The following DNM3 variants were observed in gnomAD, a reference collection of about 807,000 sequenced individuals.
DNM3 encodes dynamin 3.
DNM3 carries 47 observed loss-of-function variants against 101.6 expected under a neutral mutation model. The ratio of observed to expected loss-of-function variants is 0.46; its 90% CI spans 0.37 to 0.59. DNM3 has a LOEUF of 0.59. DNM3 is among the 20% of genes least tolerant of loss of function. DNM3 has a pLI of 0.00. For synonymous variants in DNM3, 385 were observed against 387.9 expected (o/e 0.99, Z 0.09); for missense variants, 849 against 1,085.7 (o/e 0.78, Z 3.06).
intron 15 of DNM3, among the ~76,000 whole-genome samples, chr1:172,307,950 A>G (rs963078168): frequency 3.9e-5 from 6 of 152,110 alleles, no homozygotes; most frequent in African/African-American, 1.4e-4. Flanking sequence ...CAGCAAACCA[A>G]CATGGCATGT....
intron 14 of DNM3, among the ~76,000 whole-genome samples, chr1:172,194,555 GCATATA>G (rs1359506289): frequency 6.6e-6 from 1 of 152,102 alleles, no homozygotes; most frequent in African/African-American, 2.4e-5. Flanking sequence ...TGTATTGGGT[GCATATA>G]TATTTAGGAT....
intron 1 of DNM3, among the ~76,000 whole-genome samples, chr1:171,883,624 A>G (rs1372407799): frequency 6.6e-6 from 1 of 151,782 alleles, no homozygotes; most frequent in African/African-American, 2.4e-5. Flanking sequence ...GGCACACACC[A>G]CCACACCTGG....
chr1:172,276,557 A>ATGTATGTGTGTGTG (rs1553218158), intron 15 of DNM3, among the ~76,000 whole-genome samples: 1 of 144,262 alleles, frequency 6.9e-6, no homozygotes, highest in Non-Finnish European at 1.5e-5. Context: ...AAAAATCTTA[A>ATGTATGTGTGTGTG]TGTGTGTGTG....
At chr1:172,187,871 G>A (rs2148421919) in intron 14 of DNM3, among the ~76,000 whole-genome samples, 1 of 152,088 alleles carries the variant, frequency 6.6e-6, no homozygotes, top group Admixed American at 6.6e-5. Flanking sequence ...CTTATATCAG[G>A]AATGATTCTT....
At chr1:172,212,694 G>T (rs1402445937) in intron 14 of DNM3, among the ~76,000 whole-genome samples, 2 of 152,114 alleles carry the variant, frequency 1.3e-5, no homozygotes, top group Admixed American at 1.3e-4. Context: ...TATGCTCTTA[G>T]AAATTATTTC....
At position 172,247,656 on chromosome 1, in the gene DNM3, C is replaced by CTTACTTACTTAT. The variant is rs142204811; in HGVS notation, c.1660-5914_1660-5913insCTTACTTATTTA. Reference sequence around the variant, plus strand: ...TCTCTTTATTACTCTATTATTATTTCTTATTTATTTATTTATTTATTTATT... The same window carrying CTTACTTACTTAT: ...TCTCTTTATTACTCTATTATTATTTCTTACTTACTTATTTATTTATTTATTTATTTATTTATT... On this transcript the variant is annotated intron_variant, in intron 14 of 20. Transcript: ENST00000627582. 2.4e-4 allele frequency among the ~76,000 whole-genome samples: 33 copies of CTTACTTACTTAT among 135,386 alleles called. 1 individual carries two copies. In the East Asian group the frequency reaches 5.0e-3, roughly 20 times the overall value. The allele number at this position is 135,386 out of a possible 152,430, so 88.8% of individuals were successfully genotyped here.
chr1:172,339,266 T>A (rs1364925187), intron 17 of DNM3, among the ~76,000 whole-genome samples: 1 of 152,230 alleles, frequency 6.6e-6, no homozygotes, highest in East Asian at 1.9e-4. Flanking sequence ...GGAAGCACCA[T>A]GAAAATGCTG....
At chr1:172,254,623 C>A (rs566236482) in intron 15 of DNM3, among the ~76,000 whole-genome samples, 2 of 152,118 alleles carry the variant, frequency 1.3e-5, no homozygotes, top group Non-Finnish European at 2.9e-5. Context: ...AGGACTTCCT[C>A]TAAGTACACT....
intron 14 of DNM3, among the ~76,000 whole-genome samples, chr1:172,198,894 T>A (rs1314172689): frequency 1.1e-4 from 16 of 152,102 alleles, no homozygotes; most frequent in Admixed American, 1.0e-3. Context: ...TGGTCTTTTG[T>A]GTCTCAATTT....
chr1:171,972,427 A>C (rs780637296), intron 2 of DNM3, among the ~76,000 whole-genome samples: 5 of 152,216 alleles, frequency 3.3e-5, no homozygotes, highest in Non-Finnish European at 7.3e-5. Context: ...GATCAAGGGA[A>C]GTTTCTTAGT....
intron 1 of DNM3, among the ~76,000 whole-genome samples, chr1:171,867,909 A>G (rs2034913855): frequency 1.3e-5 from 2 of 152,050 alleles, no homozygotes; most frequent in South Asian, 4.1e-4. Flanking sequence ...GAAAAAGAAA[A>G]TCATTGTTAA....
chr1:171,999,732 C>T (rs1405984405), intron 4 of DNM3, among the ~76,000 whole-genome samples: 1 of 151,988 alleles, frequency 6.6e-6, no homozygotes, highest in East Asian at 1.9e-4. Flanking sequence ...TTAGGGTAGA[C>T]CCTAAAATCC....
At chr1:172,357,047 A>G (rs1395892381) in intron 17 of DNM3, among the ~76,000 whole-genome samples, 2 of 152,112 alleles carry the variant, frequency 1.3e-5, no homozygotes, top group Non-Finnish European at 2.9e-5. Context: ...ATAAAATAAG[A>G]ATCCATACTT....
intron 14 of DNM3, among the ~76,000 whole-genome samples, chr1:172,144,202 CAG>C (rs965866323): frequency 4.8e-5 from 7 of 145,090 alleles, no homozygotes; most frequent in African/African-American, 1.5e-4. Flanking sequence ...AAAAAAAAAA[CAG>C]TAAATCGCTA....
chr1:172,113,640 A>AAG, intron 13 of DNM3, among the ~76,000 whole-genome samples: 1 of 151,490 alleles, frequency 6.6e-6, no homozygotes, highest in Non-Finnish European at 1.5e-5. Flanking sequence ...AAAAAAAAAA[A>AAG]AAAACAACTC....
chr1:172,005,237 A>T (rs1417701450), intron 4 of DNM3, among the ~76,000 whole-genome samples: 1 of 152,078 alleles, frequency 6.6e-6, no homozygotes, highest in Non-Finnish European at 1.5e-5. Context: ...AAATGAGTTA[A>T]TGTCTGCAAA....
intron 17 of DNM3, among the ~76,000 whole-genome samples, chr1:172,328,527 GA>G (rs2066037430): frequency 6.6e-6 from 1 of 152,144 alleles, no homozygotes; most frequent in Non-Finnish European, 1.5e-5. Context: ...TGCAGTAACA[GA>G]AAACCAAATA....
chr1:172,265,424 C>G (rs1263915650), intron 15 of DNM3, among the ~76,000 whole-genome samples: 1 of 152,116 alleles, frequency 6.6e-6, no homozygotes, highest in African/African-American at 2.4e-5. Context: ...CACACTCAGA[C>G]TGGTTTAGCC....
chr1:172,090,557 A>G (rs1195468190), intron 12 of DNM3, among the ~76,000 whole-genome samples: 1 of 152,234 alleles, frequency 6.6e-6, no homozygotes, highest in Admixed American at 6.5e-5. Context: ...ATTTAACAGA[A>G]AGCTGGAAAA....
Sources: gnomAD v4.1 joint callset for allele counts (sites outside exome capture counted in the v4.1 genomes callset) on GRCh38, gnomAD v4.1.1 for gene constraint, MANE v1.5 for transcripts, NCBI Gene and HGNC (gene_info 2026-07-23, HGNC 2026-07-21) for gene names.